Variants in KCNJ4 observed in about 807,000 individuals in gnomAD.
The protein encoded by KCNJ4 is inward rectifier potassium channel 4.
A neutral mutation model predicts 25.6 loss-of-function variants in KCNJ4; 3 were observed. The ratio of observed to expected loss-of-function variants is 0.12; its 90% CI spans 0.05 to 0.30. The LOEUF is 0.30. Among genes scored for constraint, KCNJ4 ranks in the 10% least tolerant of loss-of-function variants. KCNJ4 has a pLI of 1.00. For synonymous variants in KCNJ4, 257 were observed against 283.9 expected (o/e 0.91, Z 0.95); for missense variants, 286 against 666.8 (o/e 0.43, Z 6.29).
rs1199471457 is a variant in KCNJ4, at chr22:38,443,421, C to G, written c.-40+11559G>C. On this transcript the variant is annotated intron_variant, in intron 1 of 1. Coordinates refer to ENST00000303592, the MANE Select transcript of KCNJ4 (RefSeq NM_152868.3). This position sits in a 1 kb window ranked among gnomAD's most constrained non-coding sequence, Gnocchi z 4.1. ...TGTCTGCTGGACAGTGAAGAGGCATCGCGAACCCGGCACTGCCAAGCCCAA... is the reference window on the plus strand; with the variant it reads ...TGTCTGCTGGACAGTGAAGAGGCATGGCGAACCCGGCACTGCCAAGCCCAA... Among the ~76,000 whole-genome samples, 1 of 152,126 alleles carries G rather than the reference C, an allele frequency of 6.6e-6. No homozygotes were observed. The highest frequency in any genetic ancestry group is 1.5e-5 in the Non-Finnish European group (1 of 68,022).
chr22:38,428,301 G>A, intron 1 of KCNJ4, 130 bp from the exon 2 acceptor site: 1 of 845,664 alleles, frequency 1.2e-6, no homozygotes, highest in Non-Finnish European at 1.8e-6. Flanking sequence ...CTCTGCCCCG[G>A]CAGGCGGAGG....
intron 1 of KCNJ4, among the ~76,000 whole-genome samples, chr22:38,436,975 C>T (rs933454129): frequency 6.6e-6 from 1 of 152,180 alleles, no homozygotes; most frequent in Non-Finnish European, 1.5e-5. Context: ...TACTACGTGC[C>T]AGGTTCTGTG....
At chr22:38,452,583 A>G (rs529415308) in intron 1 of KCNJ4, among the ~76,000 whole-genome samples, 4 of 151,986 alleles carry the variant, frequency 2.6e-5, no homozygotes, top group Non-Finnish European at 1.5e-5. Flanking sequence ...GATGTAATGC[A>G]CTCGGCTTTC....
At chr22:38,433,579 A>T (rs991390709) in intron 1 of KCNJ4, among the ~76,000 whole-genome samples, 6 of 152,116 alleles carry the variant, frequency 3.9e-5, no homozygotes, top group Admixed American at 1.3e-4. Context: ...GGTCTCCCAA[A>T]ATGCTGGGAT....
At chr22:38,442,423 T>A (rs954816187) in intron 1 of KCNJ4, among the ~76,000 whole-genome samples, 3 of 151,496 alleles carry the variant, frequency 2.0e-5, no homozygotes, top group African/African-American at 7.3e-5. Context: ...GGCGGGCACC[T>A]GTAGTCCCAG....
chr22:38,451,598 G>T (rs2089410605), intron 1 of KCNJ4, among the ~76,000 whole-genome samples: 1 of 152,168 alleles, frequency 6.6e-6, no homozygotes, highest in Non-Finnish European at 1.5e-5. Flanking sequence ...GTCCTGTCTG[G>T]GCTTGCCACA....
intron 1 of KCNJ4, among the ~76,000 whole-genome samples, chr22:38,434,198 G>T (rs1246167248): frequency 6.6e-6 from 1 of 152,196 alleles, no homozygotes; most frequent in Non-Finnish European, 1.5e-5. Context: ...AGGTTGTCAT[G>T]CATCTCATGT....
chr22:38,429,495 A>G (rs372633635), intron 1 of KCNJ4, among the ~76,000 whole-genome samples: 95 of 152,326 alleles, frequency 6.2e-4, no homozygotes, highest in African/African-American at 2.2e-3. Context: ...CCATGTCTTC[A>G]TGTAACATGG....
chr22:38,435,338 C>T (rs1294410502), intron 1 of KCNJ4, among the ~76,000 whole-genome samples: 1 of 152,190 alleles, frequency 6.6e-6, no homozygotes, highest in African/African-American at 2.4e-5. Flanking sequence ...GGACGCAGCC[C>T]AGGGCATAGC....
chr22:38,446,008 A>G (rs2089372051), intron 1 of KCNJ4, among the ~76,000 whole-genome samples: 1 of 152,162 alleles, frequency 6.6e-6, no homozygotes, highest in Admixed American at 6.5e-5. Flanking sequence ...CCCAAATAAC[A>G]GGGACTCTTT....
intron 1 of KCNJ4, among the ~76,000 whole-genome samples, chr22:38,440,053 T>A (rs1222516297): frequency 3.5e-5 from 5 of 144,324 alleles, no homozygotes; most frequent in Non-Finnish European, 7.5e-5. Flanking sequence ...ATCGCGCCAC[T>A]GCACACTGCA....
intron 1 of KCNJ4, among the ~76,000 whole-genome samples, chr22:38,432,275 A>ATAAC (rs2093052169): frequency 6.8e-6 from 1 of 146,358 alleles, no homozygotes; most frequent in Non-Finnish European, 1.5e-5. Context: ...AAATAAATAA[A>ATAAC]TAAATAAATA....
intron 1 of KCNJ4, among the ~76,000 whole-genome samples, chr22:38,447,237 A>T (rs1263724041): frequency 6.6e-6 from 1 of 152,236 alleles, no homozygotes; most frequent in East Asian, 1.9e-4. Context: ...AGAGGGAGTC[A>T]GGGATCAATT....
chr22:38,450,234 C>G (rs1224637906), intron 1 of KCNJ4, among the ~76,000 whole-genome samples: 1 of 152,116 alleles, frequency 6.6e-6, no homozygotes, highest in Non-Finnish European at 1.5e-5. Context: ...ATGCCAACCC[C>G]TAGGATTCCC....
intron 1 of KCNJ4, among the ~76,000 whole-genome samples, chr22:38,442,544 CAAAA>C (rs10631730): frequency 3.2e-5 from 3 of 93,936 alleles, no homozygotes; most frequent in Admixed American, 2.5e-4. Context: ...AAGACTCCAT[CAAAA>C]AAAAAAAAAA....
chr22:38,427,696 C>T lies in KCNJ4; in HGVS notation c.437G>A (p.Cys146Tyr). The change falls in exon 2 of 2, where the codon TGC (cysteine) becomes TAC (tyrosine). Residue 146 changes from cysteine to tyrosine, a missense_variant. Cys to Tyr is a radical substitution (Grantham distance 194). This residue lies in a region of KCNJ4 where 29 missense variants were observed against 107.7 expected (regional missense o/e 0.27). Coordinates refer to ENST00000303592, the MANE Select transcript of KCNJ4 (RefSeq NM_152868.3). ...CACCACAGCGATGACTGCCAGCGGG[C>T]ACTCCTCTGTCACGCACCGGAACCC... The part of the protein sequence containing the change: ...GYGFRCVTEE[C>Y]PLAVIAVVVQ... The T allele has an allele frequency of 6.2e-7, 1 of 1,612,540 alleles. No individual in the cohort carries two copies.
rs755886046 is a variant in KCNJ4, at chr22:38,426,876, G to A, written c.1257C>T (p.Phe419=). ...EEAGIIRMLE[F]GSHLDLERMQ... ...TGCGCTCCAGGTCCAGGTGGCTGCC[G>A]AACTCCAGCATCCGGATGATGCCCG... The change falls in exon 2 of 2, where the codon TTC becomes TTT. Residue 419 remains phenylalanine, a synonymous_variant. Coordinates refer to ENST00000303592, the MANE Select transcript of KCNJ4 (RefSeq NM_152868.3). 338 of 1,613,216 alleles carry A rather than the reference G, an allele frequency of 2.1e-4. No individual in the cohort carries two copies. Among genetic ancestry groups the A allele is most frequent in the Non-Finnish European group, 2.7e-4 (321 of 1,179,976 alleles).
chr22:38,442,466 G>GAAC, intron 1 of KCNJ4, among the ~76,000 whole-genome samples: 1 of 144,868 alleles, frequency 6.9e-6, no homozygotes, highest in Non-Finnish European at 1.5e-5. Flanking sequence ...AGAATGGTGT[G>GAAC]AACCCGGTAG....
chr22:38,450,812 G>C (rs1002880812), intron 1 of KCNJ4, among the ~76,000 whole-genome samples: 2 of 152,294 alleles, frequency 1.3e-5, no homozygotes, highest in South Asian at 4.1e-4. Flanking sequence ...AGCCCCCAGA[G>C]GAGCCAGAGG....
Sources: gnomAD v4.1 joint callset for allele counts (sites outside exome capture counted in the v4.1 genomes callset) on GRCh38, gnomAD v4.1.1 for gene constraint, gnomAD v4.1.1 regional missense constraint, Gnocchi (gnomAD v3.1) non-coding constraint, MANE v1.5 for transcripts, NCBI Gene and HGNC (gene_info 2026-07-23, HGNC 2026-07-21) for gene names.